The following AK9 variants were observed in gnomAD, a reference collection of about 807,000 sequenced individuals.
AK9 encodes adenylate kinase 9, also known as adenylate kinase domain containing 1.
Under a neutral mutation model 239.6 loss-of-function variants are expected in AK9, and 191 were observed. The observed-to-expected ratio is 0.80, with a 90% CI of 0.71 to 0.90. AK9 has a LOEUF of 0.90. Ranked by LOEUF, AK9 falls within the 40% of genes least tolerant of loss-of-function variation. AK9 has a pLI of 0.00. For synonymous variants in AK9, 689 were observed against 721.0 expected, an observed-to-expected ratio of 0.96 and a Z score of 0.71; for missense variants, 1,995 against 2,214.7, an observed-to-expected ratio of 0.90 and a Z score of 1.99.
chr6:109,590,168 G>GTA (rs1790031905), intron 17 of AK9, among the ~76,000 whole-genome samples: 1 of 152,068 alleles, frequency 6.6e-6, no homozygotes, highest in Admixed American at 6.6e-5. Flanking sequence ...ACATTTAGCA[G>GTA]AATTTGGCTG....
intron 8 of AK9, among the ~76,000 whole-genome samples, chr6:109,649,629 C>G (rs1233642949): frequency 2.8e-4 from 42 of 152,124 alleles, no homozygotes; most frequent in Admixed American, 2.6e-4. Flanking sequence ...TGGGTAGGAA[C>G]AATCAATATC....
At chr6:109,596,296 T>C (rs978789264) in intron 17 of AK9, among the ~76,000 whole-genome samples, 1 of 152,180 alleles carries the variant, frequency 6.6e-6, no homozygotes, top group Non-Finnish European at 1.5e-5. Flanking sequence ...TGTCTTCCAA[T>C]GGCAGGCACC....
At chr6:109,649,087 T>C (rs1218777739) in intron 8 of AK9, among the ~76,000 whole-genome samples, 2 of 152,208 alleles carry the variant, frequency 1.3e-5, no homozygotes, top group East Asian at 1.9e-4. Context: ...TGATGGGACA[T>C]ATCTCAAAAT....
Position 109,611,720 on chromosome 6 carries a change from T to A in AK9, c.1693+290A>T, listed in dbSNP as rs146845527. On this transcript the variant is annotated intron_variant, in intron 16 of 40. Transcript: ENST00000424296. ...GTGATGGCTGGAGCTCCAGCAGCCATCTTGTGGCCTATTATAGTAGCTGTG... is the reference window on the plus strand; with the variant it reads ...GTGATGGCTGGAGCTCCAGCAGCCAACTTGTGGCCTATTATAGTAGCTGTG... Among the ~76,000 whole-genome samples the A allele has an allele frequency of 1.5e-4, 23 of 152,258 alleles. No individual in the cohort carries two copies. The East Asian group carries it at 4.4e-3, about 29-fold the overall frequency.
chr6:109,599,699 A>G (rs1402649506), intron 17 of AK9, among the ~76,000 whole-genome samples: 1 of 152,160 alleles, frequency 6.6e-6, no homozygotes, highest in Non-Finnish European at 1.5e-5. Context: ...GATTCTTCCT[A>G]TCCATGAGCA....
At chr6:109,610,840 A>G (rs979214778) in intron 16 of AK9, among the ~76,000 whole-genome samples, 8 of 152,178 alleles carry the variant, frequency 5.3e-5, no homozygotes, top group African/African-American at 1.9e-4. Flanking sequence ...GTGAAAGCAT[A>G]AGCATCCAGG....
chr6:109,500,485 C>T (rs779859533), intron 35 of AK9, among the ~76,000 whole-genome samples: 20 of 152,056 alleles, frequency 1.3e-4, no homozygotes, highest in Non-Finnish European at 2.4e-4. Flanking sequence ...CTTATTATAG[C>T]CAGTACGTTT....
chr6:109,672,261 T>C, intron 3 of AK9, 94 bp from the exon 4 acceptor site: 1 of 1,085,592 alleles, frequency 9.2e-7, no homozygotes, highest in Non-Finnish European at 1.4e-6. Context: ...TAACAAAGAT[T>C]AACATTTGTG....
At chr6:109,529,188 A>C (rs1780918739) in intron 28 of AK9, 115 bp from the exon 29 acceptor site, 8 of 1,196,996 alleles carry the variant, frequency 6.7e-6, no homozygotes, top group South Asian at 1.8e-5. Context: ...AGCACAGTGA[A>C]CTTTGCAGGA....
intron 28 of AK9, among the ~76,000 whole-genome samples, chr6:109,531,962 G>A (rs1781335841): frequency 6.6e-6 from 1 of 152,186 alleles, no homozygotes; most frequent in African/African-American, 2.4e-5. Flanking sequence ...GGAATGGATG[G>A]CAATGGCCTT....
intron 29 of AK9, among the ~76,000 whole-genome samples, chr6:109,520,331 T>C (rs369695695): frequency 6.6e-6 from 1 of 152,232 alleles, no homozygotes; most frequent in East Asian, 1.9e-4. Context: ...TTCTTCTGCA[T>C]ATGAATAGCC....
In AK9 at chr6:109,514,346, C is replaced by T. The variant is rs751316891; in HGVS notation, c.4157G>A (p.Ser1386Asn). 1.5e-5 allele frequency: 24 copies of T among 1,550,882 alleles called. No individual in the cohort carries two copies. The highest frequency in any genetic ancestry group is 1.9e-5 in the Non-Finnish European group (22 of 1,146,584). Reference protein sequence around the residue: ...IHRQYIYFLSSKETKEKFMKN... With the variant: ...IHRQYIYFLSNKETKEKFMKN... The stretch of plus-strand genomic sequence containing the variant: ...CATAAATTTTTCTTTTGTTTCTTTA[C>T]TAGATAAAAAATAAATATACTGACG... Residue 1386 changes from serine to asparagine, a missense_variant, in exon 32 of 41, where the codon AGT becomes AAT. Ser to Asn is a conservative substitution (Grantham distance 46). Around this residue, in one of 5 missense-constraint regions of AK9, gnomAD observed 1,290 missense variants for 1,392.7 expected, o/e 0.93. Transcript: ENST00000424296.
chr6:109,654,297 T>A (rs1256613832), intron 8 of AK9, among the ~76,000 whole-genome samples: 1 of 152,100 alleles, frequency 6.6e-6, no homozygotes, highest in Non-Finnish European at 1.5e-5. Context: ...TAATCATGTT[T>A]TGAACAAGGC....
intron 26 of AK9, among the ~76,000 whole-genome samples, chr6:109,545,603 C>A (rs929096925): frequency 2.0e-5 from 3 of 152,168 alleles, no homozygotes; most frequent in South Asian, 2.1e-4. Context: ...GCCTCCCCAG[C>A]CACATGGAAC....
intron 27 of AK9, among the ~76,000 whole-genome samples, chr6:109,535,184 G>A (rs1781815178): frequency 6.6e-6 from 1 of 152,306 alleles, no homozygotes; most frequent in South Asian, 2.1e-4. Flanking sequence ...TCGCCACACT[G>A]TCTTCCACAA....
At chr6:109,601,526 G>C (rs1213693771) in intron 17 of AK9, among the ~76,000 whole-genome samples, 1 of 152,184 alleles carries the variant, frequency 6.6e-6, no homozygotes, top group Non-Finnish European at 1.5e-5. Flanking sequence ...GAATAAGTGT[G>C]GTGTAGTGCT....
chr6:109,518,317 G>A (rs17070673), intron 29 of AK9, among the ~76,000 whole-genome samples: 31,569 of 151,790 alleles, frequency 0.21, 3,463 homozygotes, highest in South Asian at 0.33. Flanking sequence ...GCCTCCTTAC[G>A]ACTTGTTCCT....
intron 10 of AK9, among the ~76,000 whole-genome samples, chr6:109,639,456 A>C (rs1385825224): frequency 6.6e-6 from 1 of 152,224 alleles, no homozygotes; most frequent in Non-Finnish European, 1.5e-5. Context: ...TCTTCTTTTG[A>C]GAAGTGTCAG....
At chr6:109,569,731 T>C (rs1787138402) in intron 21 of AK9, among the ~76,000 whole-genome samples, 1 of 152,274 alleles carries the variant, frequency 6.6e-6, no homozygotes. Flanking sequence ...CACGATGAGA[T>C]ACCATCTCAC....
Sources: gnomAD v4.1 joint callset for allele counts (sites outside exome capture counted in the v4.1 genomes callset) on GRCh38, gnomAD v4.1.1 for gene constraint, gnomAD v4.1.1 regional missense constraint, MANE v1.5 for transcripts, NCBI Gene and HGNC (gene_info 2026-07-23, HGNC 2026-07-21) for gene names.